LCORL: variants seen among roughly 807,000 people sequenced by gnomAD.
The protein encoded by LCORL is ligand dependent nuclear receptor corepressor like, also known as ligand-dependent nuclear receptor corepressor-like protein.
Under a neutral mutation model 141.8 loss-of-function variants are expected in LCORL, and 41 were observed. The ratio of observed to expected loss-of-function variants is 0.29; its 90% CI spans 0.23 to 0.38. LCORL has a LOEUF of 0.38. Ranked by LOEUF, LCORL falls within the 10% of genes least tolerant of loss-of-function variation. LCORL has a pLI of 1.00. For missense variants in LCORL, 1,759 were observed against 2,035.0 expected, an observed-to-expected ratio of 0.86 and a Z score of 2.61; for synonymous variants, 618 against 694.1, an observed-to-expected ratio of 0.89 and a Z score of 1.72.
At chr4:17,906,764 G>A (rs750128382) in intron 5 of LCORL, among the ~76,000 whole-genome samples, 2 of 148,320 alleles carry the variant, frequency 1.3e-5, no homozygotes, top group Non-Finnish European at 3.0e-5. Context: ...TTGGCCCACT[G>A]CCACCTCTGC....
chr4:17,961,748 C>T (rs1713829065), intron 4 of LCORL, among the ~76,000 whole-genome samples, 155 bp downstream of exon 4: 14 of 151,898 alleles, frequency 9.2e-5, no homozygotes. Context: ...GATTGAGACT[C>T]CTACTGTCCC....
intron 5 of LCORL, among the ~76,000 whole-genome samples, chr4:17,908,082 G>C (rs1181665790): frequency 6.6e-6 from 1 of 152,020 alleles, no homozygotes; most frequent in African/African-American, 2.4e-5. Context: ...GCCCAGGCTG[G>C]AGTGCAATGG....
chr4:17,935,739 G>A (rs1205078883), intron 4 of LCORL, among the ~76,000 whole-genome samples: 7 of 152,138 alleles, frequency 4.6e-5, no homozygotes, highest in South Asian at 2.1e-4. Context: ...CTGCAGAACC[G>A]TGAGTCAAAA....
intron 7 of LCORL, among the ~76,000 whole-genome samples, chr4:17,862,838 C>T (rs935843162): frequency 6.7e-6 from 1 of 150,290 alleles, no homozygotes; most frequent in Non-Finnish European, 1.5e-5. Flanking sequence ...ATGAAGATGC[C>T]AAAAGCAATT....
At chr4:17,883,921 C>G in intron 6 of LCORL, 1 of 1,550,730 alleles carries the variant, frequency 6.4e-7, no homozygotes, top group Non-Finnish European at 8.7e-7. Flanking sequence ...CGCTCATTAC[C>G]ATTGCAATAG....
intron 4 of LCORL, among the ~76,000 whole-genome samples, chr4:17,950,938 A>T (rs969934269): frequency 8.5e-5 from 13 of 152,216 alleles, no homozygotes; most frequent in African/African-American, 2.9e-4. Context: ...AAGTGCAAGT[A>T]AAGTAACTTT....
At chr4:17,962,509 A>G (rs1457429576) in intron 3 of LCORL, among the ~76,000 whole-genome samples, 1 of 152,072 alleles carries the variant, frequency 6.6e-6, no homozygotes, top group Non-Finnish European at 1.5e-5. Context: ...TACAGTAGAC[A>G]CTTACATATT....
chr4:17,994,262 C>T (rs1268172647), intron 1 of LCORL, among the ~76,000 whole-genome samples: 1 of 152,068 alleles, frequency 6.6e-6, no homozygotes, highest in Non-Finnish European at 1.5e-5. Flanking sequence ...TGTCATGATG[C>T]TATTTTGTTT....
At position 17,990,199 on chromosome 4, in the gene LCORL, C is replaced by T. The variant is rs1045940390; in HGVS notation, c.155-17314G>A. On this transcript the variant is annotated intron_variant, in intron 1 of 7. Transcript: ENST00000635767. ...CTGCAAGCTCCGCCTCCTGGGTTCA[C>T]GCCATTCTCCTGCCTCAGCCTTCCG... 4.0e-5 allele frequency among the ~76,000 whole-genome samples: 6 copies of T among 150,110 alleles called. No individual in the cohort carries two copies. In the South Asian group the frequency reaches 8.5e-4, roughly 21 times the overall value.
intron 4 of LCORL, among the ~76,000 whole-genome samples, chr4:17,960,007 A>G (rs935475043): frequency 6.6e-6 from 1 of 152,162 alleles, no homozygotes; most frequent in African/African-American, 2.4e-5. Context: ...TTCTAGCCCC[A>G]TCTTGGTCAG....
At chr4:17,922,420 ACT>A (rs1734444456) in intron 4 of LCORL, among the ~76,000 whole-genome samples, 1 of 152,112 alleles carries the variant, frequency 6.6e-6, no homozygotes, top group South Asian at 2.1e-4. Context: ...AAGTTTAGTG[ACT>A]CTATACATAA....
intron 6 of LCORL, among the ~76,000 whole-genome samples, chr4:17,885,228 C>T (rs1347120536): frequency 6.6e-6 from 1 of 151,878 alleles, no homozygotes; most frequent in Non-Finnish European, 1.5e-5. Flanking sequence ...ACACAAACAT[C>T]CCATATTTCC....
At chr4:17,883,617 C>G in intron 6 of LCORL, 1 of 1,379,132 alleles carries the variant, frequency 7.3e-7, no homozygotes, top group Admixed American at 3.2e-5. Flanking sequence ...ATTTGTAATT[C>G]CCACGTGTGT....
At chr4:17,893,872 C>A (rs1028018395) in intron 5 of LCORL, among the ~76,000 whole-genome samples, 2 of 152,136 alleles carry the variant, frequency 1.3e-5, no homozygotes, top group African/African-American at 2.4e-5. Flanking sequence ...GAACTTGGCT[C>A]ACTGCAACCT....
At chr4:17,894,467 A>G (rs1008468023) in intron 5 of LCORL, among the ~76,000 whole-genome samples, 1 of 152,246 alleles carries the variant, frequency 6.6e-6, no homozygotes, top group African/African-American at 2.4e-5. Context: ...AAATAAAAGG[A>G]TTTTAAAAGT....
intron 1 of LCORL, among the ~76,000 whole-genome samples, chr4:17,997,590 A>G (rs1365150286): frequency 6.6e-6 from 1 of 152,232 alleles, no homozygotes; most frequent in Non-Finnish European, 1.5e-5. Context: ...GAACACTAAA[A>G]CAAGTGACAA....
At position 17,952,623 on chromosome 4, in the gene LCORL, T is replaced by G. The variant is rs938182484; in HGVS notation, c.430+9280A>C. 1.7e-3 allele frequency among the ~76,000 whole-genome samples: 261 copies of G among 152,110 alleles called. 1 individual carries two copies. The highest frequency in any genetic ancestry group is 6.0e-3 in the African/African-American group (250 of 41,508). Reference sequence around the variant, plus strand: ...GTAGAGACGGGGTTTCACCGTGTTATCCAGGATGGTCTCGATCTCCTGACC... The same window carrying G: ...GTAGAGACGGGGTTTCACCGTGTTAGCCAGGATGGTCTCGATCTCCTGACC... On this transcript the variant is annotated intron_variant, in intron 4 of 7. Coordinates refer to ENST00000635767, the Ensembl canonical transcript of LCORL.
At chr4:17,845,981 G>T in intron 7 of LCORL, 80 bp from the exon 8 acceptor site, 1 of 1,211,012 alleles carries the variant, frequency 8.3e-7, no homozygotes. Flanking sequence ...ACATTTAGTT[G>T]TAGTAGTGTT....
At chr4:18,016,647 T>C (rs1417056145) in intron 1 of LCORL, among the ~76,000 whole-genome samples, 2 of 152,144 alleles carry the variant, frequency 1.3e-5, no homozygotes, top group Admixed American at 6.5e-5. Context: ...TTTTGAAAAA[T>C]ATAAACTAAC....
Sources: gnomAD v4.1 joint callset for allele counts (sites outside exome capture counted in the v4.1 genomes callset) on GRCh38, gnomAD v4.1.1 for gene constraint, MANE v1.5 for transcripts, NCBI Gene and HGNC (gene_info 2026-07-23, HGNC 2026-07-21) for gene names.